The following ATP2A3 variants were observed in gnomAD, a reference collection of about 807,000 sequenced individuals.
ATP2A3 encodes the protein ATPase sarcoplasmic/endoplasmic reticulum Ca2+ transporting 3, also known as sarcoplasmic/endoplasmic reticulum calcium ATPase 3.
A neutral mutation model predicts 106.8 loss-of-function variants in ATP2A3; 61 were observed. The observed-to-expected ratio is 0.57, with a 90% CI of 0.46 to 0.71. ATP2A3 has a LOEUF of 0.71. Among genes scored for constraint, ATP2A3 ranks in the 30% least tolerant of loss-of-function variants. ATP2A3 has a pLI of 0.00. For synonymous variants in ATP2A3, 611 were observed against 609.3 expected (o/e 1.00, Z -0.04); for missense variants, 1,201 against 1,423.5 (o/e 0.84, Z 2.52).
Position 3,925,079 on chromosome 17 carries a change from T to G in ATP2A3, c.*343A>C. ...GAGCAAGCTCCAGCTGCACTCGTGA[T>G]TTGGGGGTGGGGGGGCCCCGGATCT... On this transcript the variant is annotated 3_prime_UTR_variant, in exon 21 of 21. Transcript: ENST00000397041. This position sits in a 1 kb window ranked among gnomAD's most constrained non-coding sequence, Gnocchi z 4.2. 9.1e-5 allele frequency: 45 copies of G among 493,312 alleles called. No individual in the cohort carries two copies. The highest frequency in any genetic ancestry group is 9.6e-5 in the Non-Finnish European group (26 of 269,544). The allele number at this position is 493,312 out of a possible 1,614,324, so 30.6% of individuals were successfully genotyped here. A position where few individuals can be genotyped will look rare whatever the true frequency, so the allele number is the denominator to read the frequency against.
In ATP2A3 at chr17:3,924,622, G is replaced by T. The variant is rs1042115118; in HGVS notation, c.*800C>A. On this transcript the variant is annotated 3_prime_UTR_variant, in exon 21 of 21. Coordinates refer to ENST00000397041, the MANE Select transcript of ATP2A3 (RefSeq NM_005173.4). The surrounding 1 kb of genome is among the most constrained non-coding windows in gnomAD (Gnocchi z 6.4). ...TGGACCTCTGCGTGGCAGACCGGGC[G>T]GCAGTGTGACTCTGAACATCTCCCG... 2.9e-5 allele frequency: 11 copies of T among 372,886 alleles called. No homozygotes were observed. Among genetic ancestry groups the T allele is most frequent in the African/African-American group, 1.5e-4 (7 of 47,674 alleles). 23.1% of individuals were successfully genotyped at this position (372,886 alleles called of 1,614,324 possible). A position where few individuals can be genotyped will look rare whatever the true frequency, so the allele number is the denominator to read the frequency against.
In ATP2A3 at chr17:3,947,402, A is replaced by C; in HGVS notation, c.1084T>G (p.Ser362Ala). The C allele has an allele frequency of 1.9e-6, 3 of 1,613,880 alleles. No homozygotes were observed. Among genetic ancestry groups the C allele is most frequent in the Non-Finnish European group, 2.5e-6 (3 of 1,180,042 alleles). The part of the protein sequence containing the change: ...KTGTLTTNQM[S>A]VCRMFVVAEA... The stretch of plus-strand genomic sequence containing the variant: ...TGGCCGTCACTCACCCGGCAGACAG[A>C]CATCTGATTGGTGGTGAGCGTGCCC... The change falls in exon 8 of 21, where the codon TCT becomes GCT. Residue 362 changes from serine (S) to alanine (A), a missense_variant. This residue lies in a region of ATP2A3 where 935 missense variants were observed against 1,176.7 expected (regional missense o/e 0.79). Coordinates refer to ENST00000397041, the MANE Select transcript of ATP2A3 (RefSeq NM_005173.4). This position sits in a 1 kb window ranked among gnomAD's most constrained non-coding sequence, Gnocchi z 7.7.
intron 8 of ATP2A3, among the ~76,000 whole-genome samples, chr17:3,945,913 C>A (rs2054086766): frequency 6.6e-6 from 1 of 152,214 alleles, no homozygotes; most frequent in Admixed American, 6.5e-5. Context: ...CAGCATCCAG[C>A]ACGTAAGGCC....
chr17:3,942,567 G>A (rs370978433), intron 12 of ATP2A3, 39 bp downstream of exon 12: 30 of 1,600,676 alleles, frequency 1.9e-5, no homozygotes, highest in Admixed American at 3.3e-5. Flanking sequence ...AGGTTCCCCA[G>A]GGCGCGCAGG....
intron 9 of ATP2A3, 79 bp from the exon 10 acceptor site, chr17:3,944,885 A>AG (rs1378188552): frequency 3.4e-6 from 3 of 878,836 alleles, no homozygotes; most frequent in Non-Finnish European, 1.6e-6. Flanking sequence ...CGCCCCTAGG[A>AG]GGGGGCTCCG....
rs1356493210 is a variant in ATP2A3, at chr17:3,944,802, G to C, written c.1189C>G (p.Gln397Glu). 6.2e-7 allele frequency: 1 copy of C among 1,609,528 alleles called. No individual in the cohort carries two copies. Among genetic ancestry groups the C allele is most frequent in the Non-Finnish European group, 8.5e-7 (1 of 1,178,132 alleles). The change falls in exon 10 of 21, where the codon CAG (glutamine) becomes GAG (glutamate). Residue 397 changes from glutamine to glutamate, a missense_variant. Physicochemically the swap from Gln to Glu is conservative, Grantham distance 29. This residue lies in a region of ATP2A3 where 935 missense variants were observed against 1,176.7 expected (regional missense o/e 0.79). Transcript: ENST00000397041. ...TTYTPEGEVR[Q>E]GDQPVRCGQF... ...CCGCAGCGCACAGGCTGATCCCCCTGCCGCCTGCGGAGCCGGGGCGGTCAC... is the reference window on the plus strand; with the variant it reads ...CCGCAGCGCACAGGCTGATCCCCCTCCCGCCTGCGGAGCCGGGGCGGTCAC...
intron 8 of ATP2A3, among the ~76,000 whole-genome samples, chr17:3,945,904 A>C (rs985069937): frequency 2.0e-5 from 3 of 152,234 alleles, no homozygotes; most frequent in African/African-American, 4.8e-5. Flanking sequence ...AGCACAGCCC[A>C]GCATCCAGCA....
At chr17:3,940,043 G>GTTTTTTTTTTT (rs1294599615) in intron 14 of ATP2A3, among the ~76,000 whole-genome samples, 6 of 87,618 alleles carry the variant, frequency 6.8e-5, no homozygotes, top group Non-Finnish European at 1.1e-4. Context: ...TTTTTTTTTT[G>GTTTTTTTTTTT]TTTTTTGTTT....
In ATP2A3 at chr17:3,944,736, G is replaced by C. The variant is rs763380290; in HGVS notation, c.1255C>G (p.Leu419Val). 1 of 1,613,334 alleles carries C rather than the reference G, an allele frequency of 6.2e-7. No individual in the cohort carries two copies. Among genetic ancestry groups the C allele is most frequent in the Non-Finnish European group, 8.5e-7 (1 of 1,179,714 alleles). ...TAGTCCAGAGCCGAGTCGTTGCACAGGGCGCAGATGGTCGCCAGCTCCACC... is the reference window on the plus strand; with the variant it reads ...TAGTCCAGAGCCGAGTCGTTGCACACGGCGCAGATGGTCGCCAGCTCCACC... ...GLVELATICA[L>V]CNDSALDYNE... Residue 419 changes from leucine (L) to valine (V), a missense_variant, in exon 10 of 21, where the codon CTG becomes GTG. By Grantham distance (32) the Leu-to-Val change is conservative. Coordinates refer to ENST00000397041, the MANE Select transcript of ATP2A3 (RefSeq NM_005173.4).
In ATP2A3 at chr17:3,941,160, G is replaced by A. The variant is rs974829115; in HGVS notation, c.1911C>T (p.Arg637=). ...DNKGTAVAIC[R]RLGIFGDTED... is the part of the protein sequence containing the mutation. ...CCGTGTCCCCAAAGATGCCAAGCCT[G>A]CGGCAGATGGCCACGGCAGTGCCTT... Residue 637 remains arginine (R), a synonymous_variant, in exon 14 of 21, where the codon CGC becomes CGT. Coordinates refer to ENST00000397041, the MANE Select transcript of ATP2A3 (RefSeq NM_005173.4). 5 of 1,613,994 alleles carry A rather than the reference G, an allele frequency of 3.1e-6. No individual in the cohort carries two copies. Among genetic ancestry groups the A allele is most frequent in the African/African-American group, 1.3e-5 (1 of 74,934 alleles).
chr17:3,956,338 C>T (rs900068778), intron 1 of ATP2A3, among the ~76,000 whole-genome samples: 1 of 152,100 alleles, frequency 6.6e-6, no homozygotes, highest in African/African-American at 2.4e-5. Context: ...GGGCACTTCC[C>T]GGCCCCCGTG....
At position 3,930,665 on chromosome 17, in the gene ATP2A3, T is replaced by C. The variant is rs2053024250; in HGVS notation, c.2611-231A>G. 3.3e-6 allele frequency: 2 copies of C among 611,296 alleles called. No individual in the cohort carries two copies. Among genetic ancestry groups the C allele is most frequent in the South Asian group, 1.8e-5 (1 of 54,840 alleles). The allele number at this position is 611,296 out of a possible 1,614,324, so 37.9% of individuals were successfully genotyped here. A position where few individuals can be genotyped will look rare whatever the true frequency, so the allele number is the denominator to read the frequency against. On this transcript the variant is annotated intron_variant, in intron 17 of 20. Coordinates refer to ENST00000397041, the MANE Select transcript of ATP2A3 (RefSeq NM_005173.4). The surrounding 1 kb of genome is among the most constrained non-coding windows in gnomAD (Gnocchi z 5.4). The stretch of plus-strand genomic sequence containing the variant: ...GGGCACAGCGTGGGAAAGGCAGACG[T>C]TCTGGAGCAGGAGTGCAGCGGCTCA...
intron 3 of ATP2A3, 48 bp from the exon 4 acceptor site, chr17:3,951,733 C>G: frequency 6.5e-7 from 1 of 1,542,172 alleles, no homozygotes; most frequent in Non-Finnish European, 8.8e-7. Context: ...GGGCCGAGAT[C>G]TGCTCTCCTT....
Position 3,953,388 on chromosome 17 carries a change from G to A in ATP2A3, c.178C>T (p.Leu60Phe), listed in dbSNP as rs867243117. ...WELVLEQFED[L>F]LVRILLLAAL... Reference sequence around the variant, plus strand: ...GCCAGCAGCAGGATGCGCACCAGGAGGTCCTCAAACTGTTCCAGCACCAGC... The same window carrying A: ...GCCAGCAGCAGGATGCGCACCAGGAAGTCCTCAAACTGTTCCAGCACCAGC... Residue 60 changes from leucine to phenylalanine, a missense_variant, in exon 3 of 21, where the codon CTC becomes TTC. Around this residue, in one of 2 missense-constraint regions of ATP2A3, gnomAD observed 266 missense variants for 246.8 expected, o/e 1.08. Transcript: ENST00000397041. The surrounding 1 kb of genome is among the most constrained non-coding windows in gnomAD (Gnocchi z 5.1). 1.9e-6 allele frequency: 3 copies of A among 1,614,050 alleles called. No homozygotes were observed. The highest frequency in any genetic ancestry group is 1.7e-4 in the Middle Eastern group (1 of 6,060).
At chr17:3,931,183 T>C (rs2053059573) in intron 17 of ATP2A3, among the ~76,000 whole-genome samples, 1 of 152,064 alleles carries the variant, frequency 6.6e-6, no homozygotes, top group Non-Finnish European at 1.5e-5. Context: ...CCTCACTCCA[T>C]TTCTGCCACT....
chr17:3,964,135 G>C, intron 1 of ATP2A3, 39 bp downstream of exon 1: 1 of 1,043,752 alleles, frequency 9.6e-7, no homozygotes, highest in Non-Finnish European at 1.2e-6. Context: ...CGGCGCGCGC[G>C]GCCCCCGCTC....
rs201673065 is a variant in ATP2A3, at chr17:3,947,649, G to A, written c.837C>T (p.Phe279=). The A allele has an allele frequency of 5.8e-5, 94 of 1,612,296 alleles. No homozygotes were observed. In the Admixed American group the frequency reaches 1.1e-3, roughly 19 times the overall value. ...AGGAGCCACCGTGGGCCGGGTCGGC[G>A]AAGTGGCCGATGTTGATGACCCACA... ...VAVWVINIGH[F]ADPAHGGSWL... The change falls in exon 8 of 21, where the codon TTC becomes TTT. Residue 279 remains phenylalanine (F), a synonymous_variant. Transcript: ENST00000397041. The surrounding 1 kb of genome is among the most constrained non-coding windows in gnomAD (Gnocchi z 7.7).
rs888344415 is a variant in ATP2A3 at position 3,936,318 on chromosome 17, G to A, written c.2473C>T (p.Arg825Ter). The change falls in exon 16 of 21, where the codon CGA (arginine) becomes TGA (stop). Residue 825 changes from arginine (R) to a stop codon, truncating the protein, a stop_gained. Coordinates refer to ENST00000397041, the MANE Select transcript of ATP2A3 (RefSeq NM_005173.4). LOFTEE classifies it high-confidence loss of function. The surrounding 1 kb of genome is among the most constrained non-coding windows in gnomAD (Gnocchi z 5.4). ...AGCCAGCCACTGATGAGGGCTTCTC[G>A]GGGGCTCCGGGGCAGCTTCTCCATG... ...DIMEKLPRSP[R>*]EALISGWLFF... 1.2e-6 allele frequency: 2 copies of A among 1,614,076 alleles called. No individual in the cohort carries two copies. The highest frequency in any genetic ancestry group is 1.7e-6 in the Non-Finnish European group (2 of 1,180,010).
At chr17:3,952,143 G>C (rs986739294) in intron 3 of ATP2A3, among the ~76,000 whole-genome samples, 1 of 152,198 alleles carries the variant, frequency 6.6e-6, no homozygotes, top group East Asian at 1.9e-4. Context: ...GGAGTGCGGT[G>C]GCTGGATCTT....
Sources: gnomAD v4.1 joint callset for allele counts (sites outside exome capture counted in the v4.1 genomes callset) on GRCh38, gnomAD v4.1.1 for gene constraint, gnomAD v4.1.1 regional missense constraint, Gnocchi (gnomAD v3.1) non-coding constraint, MANE v1.5 for transcripts, NCBI Gene and HGNC (gene_info 2026-07-23, HGNC 2026-07-21) for gene names.